ATG5: variants seen among roughly 807,000 people sequenced by gnomAD.
ATG5 encodes the protein autophagy protein 5.
A neutral mutation model predicts 36.5 loss-of-function variants in ATG5; 14 were observed. The observed-to-expected ratio is 0.38, with a 90% confidence interval of 0.25 to 0.60. The LOEUF is 0.60. Ranked by LOEUF, ATG5 falls within the 20% of genes least tolerant of loss-of-function variation. The probability of loss-of-function intolerance (pLI) is 0.60; values close to 1 mark genes in which losing one functional copy is unlikely to be tolerated. For synonymous variants in ATG5, 95 were observed against 101.5 expected, an observed-to-expected ratio of 0.94 and a Z score of 0.38; for missense variants, 195 against 326.7, an observed-to-expected ratio of 0.60 and a Z score of 3.11.
At chr6:106,255,915 C>T (rs1778781817) in intron 5 of ATG5, among the ~76,000 whole-genome samples, 3 of 152,078 alleles carry the variant, frequency 2.0e-5, no homozygotes, top group Admixed American at 1.3e-4. Context: ...CCAATAACCT[C>T]CTGTTCTATT....
intron 6 of ATG5, among the ~76,000 whole-genome samples, chr6:106,241,613 T>C (rs972238903): frequency 6.6e-6 from 1 of 152,230 alleles, no homozygotes; most frequent in African/African-American, 2.4e-5. Context: ...TCTATATATA[T>C]GTTTTTTGGC....
chr6:106,279,864 C>T (rs1030930119), intron 4 of ATG5, 41 bp from the exon 5 acceptor site: 17 of 1,288,190 alleles, frequency 1.3e-5, no homozygotes, highest in Non-Finnish European at 1.7e-5. Context: ...AGGATACACA[C>T]ATTACAAAAT....
chr6:106,302,352 A>T (rs1214419435), intron 3 of ATG5, among the ~76,000 whole-genome samples: 1 of 152,080 alleles, frequency 6.6e-6, no homozygotes, highest in Non-Finnish European at 1.5e-5. Context: ...ACCTTTACAC[A>T]CACATCATGC....
intron 5 of ATG5, among the ~76,000 whole-genome samples, chr6:106,256,567 T>C (rs1382089129): frequency 2.0e-5 from 3 of 152,120 alleles, no homozygotes; most frequent in Non-Finnish European, 4.4e-5. Flanking sequence ...AATTTCATCA[T>C]GCGAACATCA....
At chr6:106,243,270 C>T (rs569938486) in intron 6 of ATG5, among the ~76,000 whole-genome samples, 2 of 152,266 alleles carry the variant, frequency 1.3e-5, no homozygotes, top group South Asian at 4.1e-4. Flanking sequence ...GGAAAGGAAG[C>T]AGAATTCTGA....
chr6:106,257,203 A>G (rs1209581970), intron 5 of ATG5, among the ~76,000 whole-genome samples: 2 of 152,318 alleles, frequency 1.3e-5, no homozygotes, highest in African/African-American at 2.4e-5. Flanking sequence ...GTCATCTCCA[A>G]TGAAAACGAT....
At chr6:106,314,953 G>T (rs1004220040) in intron 2 of ATG5, among the ~76,000 whole-genome samples, 2 of 152,142 alleles carry the variant, frequency 1.3e-5, no homozygotes, top group Non-Finnish European at 2.9e-5. Flanking sequence ...ATCATTTCTA[G>T]TAAGAAAACC....
intron 3 of ATG5, among the ~76,000 whole-genome samples, chr6:106,307,289 C>T (rs1329943000): frequency 6.6e-6 from 1 of 152,136 alleles, no homozygotes; most frequent in Non-Finnish European, 1.5e-5. Flanking sequence ...TTGTATTTTT[C>T]ATGTTTCATT....
chr6:106,291,340 C>T (rs1466220588), intron 4 of ATG5, among the ~76,000 whole-genome samples: 1 of 152,206 alleles, frequency 6.6e-6, no homozygotes, highest in Non-Finnish European at 1.5e-5. Flanking sequence ...AAAACAATGA[C>T]AACTAGTACA....
chr6:106,205,684 A>G (rs1259819587), intron 6 of ATG5, among the ~76,000 whole-genome samples: 1 of 152,198 alleles, frequency 6.6e-6, no homozygotes, highest in East Asian at 1.9e-4. Context: ...ATTTTTATAT[A>G]TCTTTTTTTT....
At chr6:106,300,925 AT>A (rs1450943027) in intron 3 of ATG5, among the ~76,000 whole-genome samples, 1 of 152,064 alleles carries the variant, frequency 6.6e-6, no homozygotes, top group Non-Finnish European at 1.5e-5. Context: ...AAAGTTATTT[AT>A]TTTACAGTTG....
At chr6:106,251,326 G>T (rs1778566796) in intron 5 of ATG5, among the ~76,000 whole-genome samples, 1 of 152,106 alleles carries the variant, frequency 6.6e-6, no homozygotes, top group Non-Finnish European at 1.5e-5. Context: ...CTCCTCCAGT[G>T]AAGTCTGAGC....
chr6:106,312,405 A>G (rs929645336), intron 2 of ATG5, among the ~76,000 whole-genome samples: 1 of 152,130 alleles, frequency 6.6e-6, no homozygotes, highest in African/African-American at 2.4e-5. Flanking sequence ...TTGAGCTCCT[A>G]TAAGACATCT....
intron 6 of ATG5, among the ~76,000 whole-genome samples, chr6:106,212,393 C>A (rs571844294): frequency 4.3e-4 from 66 of 152,358 alleles, no homozygotes; most frequent in Admixed American, 1.4e-3. Context: ...GTAATTCCAG[C>A]ACTTTGGGAG....
At chr6:106,207,637 G>C (rs1486279494) in intron 6 of ATG5, among the ~76,000 whole-genome samples, 2 of 152,142 alleles carry the variant, frequency 1.3e-5, no homozygotes, top group Non-Finnish European at 2.9e-5. Context: ...TAACATTAAC[G>C]TTGATAAAAC....
chr6:106,222,426 T>C (rs1321439166), intron 6 of ATG5, among the ~76,000 whole-genome samples: 3 of 152,188 alleles, frequency 2.0e-5, no homozygotes, highest in African/African-American at 4.8e-5. Context: ...GGAAAATAAC[T>C]TTCTGTAAAA....
At chr6:106,191,148 A>T (rs531830956) in intron 7 of ATG5, among the ~76,000 whole-genome samples, 1 of 152,348 alleles carries the variant, frequency 6.6e-6, no homozygotes, top group Non-Finnish European at 1.5e-5. Flanking sequence ...CATATATATG[A>T]GCTGAGCTCC....
At chr6:106,286,434 C>T (rs1186385412) in intron 4 of ATG5, among the ~76,000 whole-genome samples, 2 of 152,162 alleles carry the variant, frequency 1.3e-5, no homozygotes, top group African/African-American at 2.4e-5. Flanking sequence ...TACTCTGTCA[C>T]GGCTAAAAGT....
At chr6:106,194,309 T>C (rs150760629) in intron 7 of ATG5, among the ~76,000 whole-genome samples, 1 of 152,174 alleles carries the variant, frequency 6.6e-6, no homozygotes, top group Admixed American at 6.5e-5. Context: ...AATGTGATTA[T>C]TGCTCAAATA....
Sources: allele counts gnomAD v4.1 joint callset (sites outside exome capture counted in the v4.1 genomes callset), GRCh38; gene constraint gnomAD v4.1.1; transcripts MANE v1.5; gene names NCBI Gene and HGNC (gene_info 2026-07-23, HGNC 2026-07-21).